The following GRB10 variants were observed in gnomAD, a reference collection of about 807,000 sequenced individuals.
GRB10 encodes growth factor receptor-bound protein 10.
A neutral mutation model predicts 80.9 loss-of-function variants in GRB10; 20 were observed. The observed-to-expected ratio is 0.25, with a 90% CI of 0.17 to 0.36. The LOEUF (loss-of-function observed/expected upper bound fraction) is 0.36, where lower values mean the gene tolerates loss of function less well. Among genes scored for constraint, GRB10 ranks in the 10% least tolerant of loss-of-function variants. GRB10 has a pLI of 1.00. For missense variants in GRB10, 548 were observed against 747.7 expected (o/e 0.73, Z 3.12); for synonymous variants, 291 against 291.5 (o/e 1.00, Z 0.02).
intron 5 of GRB10, among the ~76,000 whole-genome samples, chr7:50,677,935 C>T (rs1439585021): frequency 6.6e-6 from 1 of 152,242 alleles, no homozygotes; most frequent in Non-Finnish European, 1.5e-5. Flanking sequence ...GCTTTTAATC[C>T]TGCTTTGGAA....
intron 17 of GRB10, among the ~76,000 whole-genome samples, chr7:50,597,624 T>C (rs1164971537): frequency 6.6e-6 from 1 of 152,256 alleles, no homozygotes; most frequent in Non-Finnish European, 1.5e-5. Context: ...CAGGCCTGTT[T>C]ACCCGAGAGG....
intron 4 of GRB10, among the ~76,000 whole-genome samples, chr7:50,724,112 C>G (rs1490363544): frequency 1.3e-5 from 2 of 152,226 alleles, no homozygotes. Context: ...GAGGAAATCT[C>G]ACCATGCACA....
In GRB10 at chr7:50,592,810, C is replaced by A. The variant is rs1413486097; in HGVS notation, c.*142G>T. 7 of 976,770 alleles carry A rather than the reference C, an allele frequency of 7.2e-6. No individual in the cohort carries two copies. Among genetic ancestry groups the A allele is most frequent in the African/African-American group, 1.6e-5 (1 of 62,848 alleles). The allele number at this position is 976,770 out of a possible 1,614,324, so 60.5% of individuals were successfully genotyped here. A position where few individuals can be genotyped will look rare whatever the true frequency, so the allele number is the denominator to read the frequency against. ...GTTTAAGTCCAACAAACTAGTCAATCTTGGTCGGCTGGCACCGAACAAACC... is the reference window on the plus strand; with the variant it reads ...GTTTAAGTCCAACAAACTAGTCAATATTGGTCGGCTGGCACCGAACAAACC... On this transcript the variant is annotated 3_prime_UTR_variant, in exon 19 of 19. Transcript: ENST00000401949.
At chr7:50,654,812 G>A (rs1013986269) in intron 7 of GRB10, among the ~76,000 whole-genome samples, 1 of 152,074 alleles carries the variant, frequency 6.6e-6, no homozygotes, top group Admixed American at 6.6e-5. Flanking sequence ...CCTGCTAGAT[G>A]GCTTTGTGTA....
At chr7:50,674,371 G>T (rs969392103) in intron 6 of GRB10, 65 bp downstream of exon 6, 2 of 1,471,042 alleles carry the variant, frequency 1.4e-6, no homozygotes, top group African/African-American at 1.4e-5. Context: ...AACTCACAGA[G>T]AGCAGTGTCC....
intron 3 of GRB10, among the ~76,000 whole-genome samples, chr7:50,751,093 C>T (rs900956530): frequency 1.3e-5 from 2 of 152,154 alleles, no homozygotes; most frequent in East Asian, 1.9e-4. Context: ...ACAAGAGAGA[C>T]GCCATGTCCC....
chr7:50,777,429 T>TACATACACACAC (rs1554316311), intron 2 of GRB10, among the ~76,000 whole-genome samples: 1 of 146,168 alleles, frequency 6.8e-6, no homozygotes, highest in African/African-American at 2.5e-5. Context: ...GCAATCTGTA[T>TACATACACACAC]ACACACACAC....
intron 7 of GRB10, among the ~76,000 whole-genome samples, chr7:50,634,855 C>T (rs1211105830): frequency 1.3e-5 from 2 of 152,188 alleles, no homozygotes; most frequent in Non-Finnish European, 1.5e-5. Flanking sequence ...TTTGGAAATA[C>T]GTGTGCAAGC....
At chr7:50,655,467 A>G (rs1341573869) in intron 7 of GRB10, among the ~76,000 whole-genome samples, 1 of 152,210 alleles carries the variant, frequency 6.6e-6, no homozygotes, top group Non-Finnish European at 1.5e-5. Context: ...CAGAGGAAAC[A>G]CAGAACTGCA....
At chr7:50,605,479 ATCAAGACGG>A (rs2048366177) in intron 14 of GRB10, 73 bp from the exon 15 acceptor site, 1 of 1,203,762 alleles carries the variant, frequency 8.3e-7, no homozygotes, top group Admixed American at 1.7e-5. Context: ...TGAAACTATC[ATCAAGACGG>A]TCAGGAAAGG....
chr7:50,696,644 A>G (rs1187640000), intron 5 of GRB10, among the ~76,000 whole-genome samples: 1 of 152,220 alleles, frequency 6.6e-6, no homozygotes, highest in Non-Finnish European at 1.5e-5. Context: ...GGTGAGAGGC[A>G]TGGCCAGGAA....
chr7:50,742,205 A>C (rs2071885832), intron 3 of GRB10, among the ~76,000 whole-genome samples: 1 of 152,184 alleles, frequency 6.6e-6, no homozygotes, highest in Non-Finnish European at 1.5e-5. Context: ...ACCTGTTAAT[A>C]ACAGGCACTT....
chr7:50,612,880 G>C, intron 12 of GRB10, 41 bp from the exon 13 acceptor site: 1 of 1,371,948 alleles, frequency 7.3e-7, no homozygotes, highest in Non-Finnish European at 1.0e-6. Flanking sequence ...GTTACACAGG[G>C]AGTCAGAAAC....
At chr7:50,659,896 C>A (rs559887774) in intron 7 of GRB10, among the ~76,000 whole-genome samples, 13 of 152,222 alleles carry the variant, frequency 8.5e-5, no homozygotes, top group Non-Finnish European at 1.9e-4. Flanking sequence ...TTCACTTAGG[C>A]GTACTGAAAT....
intron 4 of GRB10, chr7:50,710,913 G>GTC (rs779153892): frequency 6.9e-5 from 111 of 1,612,562 alleles, no homozygotes; most frequent in Non-Finnish European, 9.2e-5. Flanking sequence ...TGCATAGGAG[G>GTC]TCTCTCTCTC....
At chr7:50,699,925 G>T (rs2063922934) in intron 5 of GRB10, among the ~76,000 whole-genome samples, 1 of 152,108 alleles carries the variant, frequency 6.6e-6, no homozygotes, top group African/African-American at 2.4e-5. Flanking sequence ...CACGAGGTCA[G>T]GAGATCGAGA....
At chr7:50,626,709 G>C in intron 8 of GRB10, 113 bp downstream of exon 8, 1 of 1,211,404 alleles carries the variant, frequency 8.3e-7, no homozygotes, top group Non-Finnish European at 1.2e-6. Flanking sequence ...GAGACTGCCT[G>C]CTAATTTCGC....
chr7:50,685,839 A>C (rs1468032267), intron 5 of GRB10, among the ~76,000 whole-genome samples: 1 of 152,128 alleles, frequency 6.6e-6, no homozygotes, highest in Admixed American at 6.6e-5. Flanking sequence ...TTCTCCAAAA[A>C]CTGAAATGCC....
chr7:50,617,221 C>T (rs558053157), intron 10 of GRB10, among the ~76,000 whole-genome samples: 1 of 152,310 alleles, frequency 6.6e-6, no homozygotes, highest in South Asian at 2.1e-4. Flanking sequence ...TCTGAAGACA[C>T]CACCAGAACA....
Sources: allele counts gnomAD v4.1 joint callset (sites outside exome capture counted in the v4.1 genomes callset), GRCh38; gene constraint gnomAD v4.1.1; transcripts MANE v1.5; gene names NCBI Gene and HGNC (gene_info 2026-07-23, HGNC 2026-07-21).